The following RBM20 variants were observed in gnomAD, a reference collection of about 807,000 sequenced individuals.
RBM20 encodes RNA-binding protein 20.
In RBM20, 51 loss-of-function variants were observed where a neutral mutation model predicts 110.1. The ratio of observed to expected loss-of-function variants is 0.46; its 90% CI spans 0.37 to 0.59. RBM20 has a LOEUF of 0.59. Ranked by LOEUF, RBM20 falls within the 20% of genes least tolerant of loss-of-function variation. The probability of loss-of-function intolerance (pLI) is 0.00; values close to 1 mark genes in which losing one functional copy is unlikely to be tolerated. For synonymous variants in RBM20, 589 were observed against 618.2 expected (o/e 0.95, Z 0.70); for missense variants, 1,512 against 1,574.9 (o/e 0.96, Z 0.68).
intron 1 of RBM20, among the ~76,000 whole-genome samples, chr10:110,670,763 A>G (rs1564810864): frequency 6.6e-6 from 1 of 152,226 alleles, no homozygotes; most frequent in Non-Finnish European, 1.5e-5. Flanking sequence ...AGTTTCTCCA[A>G]ACTTTATGCA....
chr10:110,833,710 C>T (rs150081475), intron 13 of RBM20, among the ~76,000 whole-genome samples: 189 of 152,344 alleles, frequency 1.2e-3, no homozygotes, highest in Non-Finnish European at 2.2e-3. Context: ...CCCAGGCAGA[C>T]TCCCCTCCCC....
chr10:110,697,223 G>C (rs1480957592), intron 1 of RBM20, among the ~76,000 whole-genome samples: 4 of 151,670 alleles, frequency 2.6e-5, no homozygotes, highest in Non-Finnish European at 2.9e-5. Context: ...CTCAGCAGCA[G>C]TGCTGGGCTG....
chr10:110,748,303 T>C (rs1006131785), intron 1 of RBM20, among the ~76,000 whole-genome samples: 2 of 152,224 alleles, frequency 1.3e-5, no homozygotes, highest in Admixed American at 6.5e-5. Context: ...GCATTTGGTA[T>C]GCTTTTCAGT....
At chr10:110,666,382 C>G (rs1862179712) in intron 1 of RBM20, among the ~76,000 whole-genome samples, 1 of 152,164 alleles carries the variant, frequency 6.6e-6, no homozygotes, top group Non-Finnish European at 1.5e-5. Flanking sequence ...GTGGCTCATG[C>G]CTGTAATCTC....
intron 1 of RBM20, among the ~76,000 whole-genome samples, chr10:110,687,998 TG>T (rs1564815977): frequency 2.2e-3 from 13 of 6,026 alleles, no homozygotes; most frequent in Non-Finnish European, 7.9e-3. Flanking sequence ...AATGGTTTTG[TG>T]TGTGTGTGTG....
At chr10:110,679,859 C>A (rs116771880) in intron 1 of RBM20, among the ~76,000 whole-genome samples, 1 of 152,206 alleles carries the variant, frequency 6.6e-6, no homozygotes, top group Non-Finnish European at 1.5e-5. Context: ...AGACCCAGCA[C>A]ACAGATGGCC....
intron 1 of RBM20, among the ~76,000 whole-genome samples, chr10:110,663,596 G>A (rs1260152805): frequency 6.6e-6 from 1 of 152,150 alleles, no homozygotes; most frequent in East Asian, 1.9e-4. Context: ...GTTTTGTTTT[G>A]TAGATTTGAC....
chr10:110,815,267 C>A (rs1180666151), intron 9 of RBM20, among the ~76,000 whole-genome samples: 1 of 152,204 alleles, frequency 6.6e-6, no homozygotes, highest in Non-Finnish European at 1.5e-5. Flanking sequence ...ATCAGATGCC[C>A]TGAAAGGATG....
chr10:110,665,452 T>A (rs573201214), intron 1 of RBM20, among the ~76,000 whole-genome samples: 1 of 152,290 alleles, frequency 6.6e-6, no homozygotes, highest in East Asian at 1.9e-4. Context: ...ATCGGGCAGA[T>A]GAATCAGGTA....
intron 1 of RBM20, among the ~76,000 whole-genome samples, chr10:110,670,664 G>A (rs1411700892): frequency 2.0e-5 from 3 of 152,148 alleles, no homozygotes; most frequent in Admixed American, 6.5e-5. Flanking sequence ...TTTAAATACC[G>A]TAGAACCATC....
At chr10:110,802,754 T>C (rs1336350313) in intron 7 of RBM20, among the ~76,000 whole-genome samples, 3 of 152,140 alleles carry the variant, frequency 2.0e-5, no homozygotes, top group African/African-American at 7.2e-5. Context: ...CCAGGTGCCA[T>C]GGAGGGAGAA....
chr10:110,735,772 T>C (rs1422185968), intron 1 of RBM20, among the ~76,000 whole-genome samples: 1 of 152,238 alleles, frequency 6.6e-6, no homozygotes, highest in Non-Finnish European at 1.5e-5. Flanking sequence ...CTACTACATG[T>C]AGAGCTCAGG....
intron 7 of RBM20, 141 bp from the exon 8 acceptor site, chr10:110,810,242 A>G: frequency 1.5e-6 from 1 of 650,512 alleles, no homozygotes. Context: ...CATCCGTTGG[A>G]TTACACCTTT....
chr10:110,756,429 C>G (rs1054771149), intron 1 of RBM20: 1 of 152,212 alleles, frequency 6.6e-6, no homozygotes, highest in East Asian at 1.9e-4. Flanking sequence ...AAGAGAGAAG[C>G]TGAGATTTAG....
At chr10:110,754,324 A>C (rs1268181831) in intron 1 of RBM20, among the ~76,000 whole-genome samples, 1 of 152,150 alleles carries the variant, frequency 6.6e-6, no homozygotes, top group Admixed American at 6.5e-5. Context: ...CTAGGTGTAC[A>C]TTCCTTAACA....
Position 110,679,911 on chromosome 10 carries a change from C to T in RBM20, c.191+35266C>T, listed in dbSNP as rs1862397992. On this transcript the variant is annotated intron_variant, in intron 1 of 13. Transcript: ENST00000369519. Reference sequence around the variant, plus strand: ...GGTGATTGTCATTCACAGCTCATGCCATCTGGTGCCAGAGACGGTCGGCGG... The same window carrying T: ...GGTGATTGTCATTCACAGCTCATGCTATCTGGTGCCAGAGACGGTCGGCGG... 2.0e-5 allele frequency among the ~76,000 whole-genome samples: 3 copies of T among 152,252 alleles called. No homozygotes were observed. The South Asian group carries it at 6.2e-4, about 32-fold the overall frequency.
intron 5 of RBM20, among the ~76,000 whole-genome samples, chr10:110,792,473 G>A (rs565023542): frequency 5.9e-5 from 9 of 152,134 alleles, no homozygotes; most frequent in Non-Finnish European, 1.2e-4. Flanking sequence ...CATCTTCTCA[G>A]CAGTCCTGTG....
At chr10:110,679,420 C>A (rs942240370) in intron 1 of RBM20, among the ~76,000 whole-genome samples, 2 of 152,038 alleles carry the variant, frequency 1.3e-5, no homozygotes, top group Non-Finnish European at 2.9e-5. Context: ...CAGGGTCTCA[C>A]TATGTTGCCC....
intron 1 of RBM20, among the ~76,000 whole-genome samples, chr10:110,765,292 A>G (rs1003572308): frequency 2.6e-5 from 4 of 152,078 alleles, no homozygotes; most frequent in Non-Finnish European, 5.9e-5. Flanking sequence ...CAGTGATGGA[A>G]AATGAACTTA....
Sources: gnomAD v4.1 joint callset for allele counts (sites outside exome capture counted in the v4.1 genomes callset) on GRCh38, gnomAD v4.1.1 for gene constraint, MANE v1.5 for transcripts, NCBI Gene and HGNC (gene_info 2026-07-23, HGNC 2026-07-21) for gene names.